FAM120A: variants seen among roughly 807,000 people sequenced by gnomAD.
FAM120A encodes the protein family with sequence similarity 120 member A, also known as constitutive coactivator of PPAR-gamma-like protein 1.
Under a neutral mutation model 109.7 loss-of-function variants are expected in FAM120A, and 15 were observed. The ratio of observed to expected loss-of-function variants is 0.14; its 90% CI spans 0.09 to 0.21. The LOEUF (loss-of-function observed/expected upper bound fraction) is 0.21, where lower values mean the gene tolerates loss of function less well. Ranked by LOEUF, FAM120A falls within the 10% of genes least tolerant of loss-of-function variation. The pLI is 1.00. For missense variants in FAM120A, 899 were observed against 1,439.3 expected, an observed-to-expected ratio of 0.62 and a Z score of 6.07; for synonymous variants, 493 against 572.8, an observed-to-expected ratio of 0.86 and a Z score of 1.99.
At position 93,476,355 on chromosome 9, in the gene FAM120A, A is replaced by G. The variant is rs1251495268; in HGVS notation, c.804+17A>G. Reference sequence around the variant, plus strand: ...TCACTAAAGGTACAAATTTCACTTTATTTTTCTAGCATTTGTAATAATCAA... The same window carrying G: ...TCACTAAAGGTACAAATTTCACTTTGTTTTTCTAGCATTTGTAATAATCAA... On this transcript the variant is annotated intron_variant, in intron 3 of 17. Coordinates refer to ENST00000277165, the MANE Select transcript of FAM120A (RefSeq NM_014612.5). The G allele has an allele frequency of 2.0e-6, 3 of 1,515,564 alleles. No individual in the cohort carries two copies. Among genetic ancestry groups the G allele is most frequent in the Non-Finnish European group, 2.7e-6 (3 of 1,092,772 alleles). 93.9% of individuals were successfully genotyped at this position (1,515,564 alleles called of 1,614,324 possible).
chr9:93,510,692 G>A (rs1012891368), intron 5 of FAM120A, among the ~76,000 whole-genome samples: 43 of 144,884 alleles, frequency 3.0e-4, no homozygotes, highest in Middle Eastern at 7.1e-3. Flanking sequence ...TGCCTGGCCT[G>A]GTCTGAACTG....
intron 5 of FAM120A, among the ~76,000 whole-genome samples, chr9:93,505,974 A>G (rs967406329): frequency 3.9e-5 from 6 of 152,166 alleles, no homozygotes; most frequent in Admixed American, 1.3e-4. Context: ...TGAGAATGCT[A>G]TCCTCTTCTG....
At chr9:93,459,443 C>G (rs1857692025) in intron 1 of FAM120A, among the ~76,000 whole-genome samples, 1 of 152,120 alleles carries the variant, frequency 6.6e-6, no homozygotes, top group Admixed American at 6.5e-5. Flanking sequence ...TTCTCATACT[C>G]TCTTTTCTGA....
At position 93,471,135 on chromosome 9, in the gene FAM120A, T is replaced by C. The variant is rs1455683845; in HGVS notation, c.475-6T>C. ...CATCTGATGAAGTTTTTTTCTCGTT[T>C]GCCAGGTTGCACAGAGCATTGAGGA... is the stretch of plus-strand genomic sequence containing the variant. On this transcript the variant is annotated splice_region_variant and splice_polypyrimidine_tract_variant and intron_variant, in intron 1 of 17. Transcript: ENST00000277165. 1 of 1,613,718 alleles carries C rather than the reference T, an allele frequency of 6.2e-7. No individual in the cohort carries two copies. Among genetic ancestry groups the C allele is most frequent in the Non-Finnish European group, 8.5e-7 (1 of 1,179,706 alleles).
At chr9:93,521,708 A>G (rs967277453) in intron 7 of FAM120A, among the ~76,000 whole-genome samples, 5 of 152,244 alleles carry the variant, frequency 3.3e-5, no homozygotes, top group African/African-American at 1.2e-4. Flanking sequence ...TCTTGTTTAA[A>G]TTTTAAAAAT....
intron 1 of FAM120A, among the ~76,000 whole-genome samples, chr9:93,463,633 C>T (rs1857890288): frequency 6.6e-6 from 1 of 152,126 alleles, no homozygotes; most frequent in Admixed American, 6.5e-5. Flanking sequence ...CTGAAGACTG[C>T]CTTTTTGGTA....
At chr9:93,538,282 A>C (rs1166410207) in intron 10 of FAM120A, among the ~76,000 whole-genome samples, 1 of 152,192 alleles carries the variant, frequency 6.6e-6, no homozygotes, top group Non-Finnish European at 1.5e-5. Flanking sequence ...TGAGAATTAC[A>C]GAGGGTGCTT....
At chr9:93,467,710 A>T (rs1858111231) in intron 1 of FAM120A, among the ~76,000 whole-genome samples, 1 of 152,108 alleles carries the variant, frequency 6.6e-6, no homozygotes, top group South Asian at 2.1e-4. Context: ...TTTGGGAAGG[A>T]TTATGGTATG....
intron 1 of FAM120A, among the ~76,000 whole-genome samples, chr9:93,467,627 G>C (rs1039010038): frequency 1.3e-5 from 2 of 152,118 alleles, no homozygotes; most frequent in Non-Finnish European, 2.9e-5. Flanking sequence ...TGTGTTCATG[G>C]GTGTGGTCCT....
intron 4 of FAM120A, 81 bp downstream of exon 4, chr9:93,497,680 A>C (rs1233356524): frequency 6.8e-7 from 1 of 1,464,420 alleles, no homozygotes; most frequent in Non-Finnish European, 9.1e-7. Flanking sequence ...GTTTGGAAGA[A>C]GGGGACTTGA....
intron 14 of FAM120A, 52 bp from the exon 15 acceptor site, chr9:93,558,529 T>C (rs1862368666): frequency 6.3e-7 from 1 of 1,599,260 alleles, no homozygotes; most frequent in Non-Finnish European, 8.5e-7. Flanking sequence ...AGCAGGGCCC[T>C]GAGTCCTGTC....
rs1430033042 is a variant in FAM120A at position 93,452,721 on chromosome 9, C to G, written c.474+332C>G. On this transcript the variant is annotated intron_variant, in intron 1 of 17. Transcript: ENST00000277165. The surrounding 1 kb of genome is among the most constrained non-coding windows in gnomAD (Gnocchi z 7.0). ...TTAGTTTTTCCCATCCTATTTGAGG[C>G]GGGCAGGCTATCACTCACCTTCAAC... 21 of 1,598,358 alleles carry G rather than the reference C, an allele frequency of 1.3e-5. No homozygotes were observed. The highest frequency in any genetic ancestry group is 1.7e-5 in the Non-Finnish European group (20 of 1,179,806).
chr9:93,504,017 C>T (rs1193559667), intron 5 of FAM120A, among the ~76,000 whole-genome samples: 15 of 152,006 alleles, frequency 9.9e-5, no homozygotes, highest in Admixed American at 9.8e-4. Context: ...ACAGGAACCT[C>T]AAGGAAGACC....
rs565834367 is a variant in FAM120A at position 93,539,792 on chromosome 9, A to T, written c.1910-3430A>T. 4.6e-5 allele frequency among the ~76,000 whole-genome samples: 7 copies of T among 152,376 alleles called. No individual in the cohort carries two copies. The South Asian group carries it at 8.3e-4, about 18-fold the overall frequency. On this transcript the variant is annotated intron_variant, in intron 10 of 17. Coordinates refer to ENST00000277165, the MANE Select transcript of FAM120A (RefSeq NM_014612.5). ...ACTCTTTGGAAGAAAGCAGCAGCCC[A>T]GAGAGAGAAGAGCAGCAGACATTCT...
rs1294991297 is a variant in FAM120A, at chr9:93,556,429, G to A, written c.2322G>A (p.Met774Ile). 4 of 1,614,216 alleles carry A rather than the reference G, an allele frequency of 2.5e-6. No homozygotes were observed. Among genetic ancestry groups the A allele is most frequent in the Middle Eastern group, 1.6e-4 (1 of 6,062 alleles). The stretch of plus-strand genomic sequence containing the variant: ...GAATTCAGCTATCAGCTCTCTTCAT[G>A]AGTGGAGTAGACATGGCCTTGTTTG... ...PRGIQLSALFMSGVDMALFAN... is the reference protein window; with the variant it reads ...PRGIQLSALFISGVDMALFAN... The change falls in exon 13 of 18, where the codon ATG (methionine) becomes ATA (isoleucine). Residue 774 changes from methionine (M) to isoleucine (I), a missense_variant. By Grantham distance (10) the Met-to-Ile change is conservative. Transcript: ENST00000277165.
Position 93,471,191 on chromosome 9 carries a change from A to G in FAM120A, c.525A>G (p.Arg175=). ...ATCAGGAAGTGATTGGTTTCTGCAGAGAGAATGGTTTCCATGGCTTGGTTG... is the reference window on the plus strand; with the variant it reads ...ATCAGGAAGTGATTGGTTTCTGCAGGGAGAATGGTTTCCATGGCTTGGTTG... ...DHHQEVIGFC[R]ENGFHGLVAY... The change falls in exon 2 of 18, where the codon AGA becomes AGG. Residue 175 remains arginine, a synonymous_variant. Coordinates refer to ENST00000277165, the MANE Select transcript of FAM120A (RefSeq NM_014612.5). The G allele has an allele frequency of 6.2e-7, 1 of 1,614,196 alleles. No individual in the cohort carries two copies. The highest frequency in any genetic ancestry group is 2.2e-5 in the East Asian group (1 of 44,884).
rs1458062813 is a variant in FAM120A at position 93,498,751 on chromosome 9, G to A, written c.934-39G>A. The A allele has an allele frequency of 2.6e-6, 3 of 1,133,732 alleles. No individual in the cohort carries two copies. Among genetic ancestry groups the A allele is most frequent in the Non-Finnish European group, 4.0e-6 (3 of 741,854 alleles). The allele number at this position is 1,133,732 out of a possible 1,614,324, so 70.2% of individuals were successfully genotyped here. A position where few individuals can be genotyped will look rare whatever the true frequency, so the allele number is the denominator to read the frequency against. ...AACATTGTGATACACATGACCAGTG[G>A]CACACTAATTTATGAAGGTTTTCCT... On this transcript the variant is annotated intron_variant, in intron 4 of 17. Coordinates refer to ENST00000277165, the MANE Select transcript of FAM120A (RefSeq NM_014612.5). This position sits in a 1 kb window ranked among gnomAD's most constrained non-coding sequence, Gnocchi z 4.4.
At chr9:93,468,218 G>C (rs1858140822) in intron 1 of FAM120A, among the ~76,000 whole-genome samples, 1 of 152,140 alleles carries the variant, frequency 6.6e-6, no homozygotes, top group Non-Finnish European at 1.5e-5. Context: ...ACTGCATATT[G>C]GCCTGTACTG....
rs1366164048 is a variant in FAM120A at position 93,532,128 on chromosome 9, T to C, written c.1735-27T>C. On this transcript the variant is annotated intron_variant, in intron 9 of 17. Coordinates refer to ENST00000277165, the MANE Select transcript of FAM120A (RefSeq NM_014612.5). This position sits in a 1 kb window ranked among gnomAD's most constrained non-coding sequence, Gnocchi z 4.3. The stretch of plus-strand genomic sequence containing the variant: ...TAAATTCAACATGAAAAATGTGCAA[T>C]GTTATTCTGCTTTCTTCCATGCAAA... The C allele has an allele frequency of 6.2e-7, 1 of 1,606,150 alleles. No individual in the cohort carries two copies. Among genetic ancestry groups the C allele is most frequent in the African/African-American group, 1.3e-5 (1 of 74,788 alleles).
Sources: allele counts gnomAD v4.1 joint callset (sites outside exome capture counted in the v4.1 genomes callset), GRCh38; gene constraint gnomAD v4.1.1; non-coding constraint Gnocchi (gnomAD v3.1); transcripts MANE v1.5; gene names NCBI Gene and HGNC (gene_info 2026-07-23, HGNC 2026-07-21).